The following ATF7IP2 variants were observed in gnomAD, a reference collection of about 807,000 sequenced individuals.
ATF7IP2 encodes the protein activating transcription factor 7 interacting protein 2, also known as activating transcription factor 7-interacting protein 2.
A neutral mutation model predicts 64.2 loss-of-function variants in ATF7IP2; 42 were observed. The observed-to-expected ratio is 0.65, with a 90% CI of 0.51 to 0.85. ATF7IP2 has a LOEUF of 0.85. ATF7IP2 is among the 40% of genes least tolerant of loss of function. The pLI, the probability that ATF7IP2 is intolerant of heterozygous loss-of-function variation, is 0.00. For synonymous variants in ATF7IP2, 308 were observed against 272.8 expected (o/e 1.13, Z -1.27); for missense variants, 933 against 784.2 (o/e 1.19, Z -2.27).
chr16:10,474,681 A>G (rs2049939027), intron 12 of ATF7IP2, among the ~76,000 whole-genome samples: 1 of 152,232 alleles, frequency 6.6e-6, no homozygotes, highest in Admixed American at 6.5e-5. Context: ...CACATACCCA[A>G]GGTGTTTAAA....
chr16:10,386,204 G>T (rs1214919902), intron 1 of ATF7IP2, 82 bp downstream of exon 1: 2 of 152,298 alleles, frequency 1.3e-5, no homozygotes, highest in African/African-American at 4.8e-5. Context: ...GCCTCTCTGA[G>T]GGCCGGCCCC....
intron 9 of ATF7IP2, among the ~76,000 whole-genome samples, chr16:10,464,755 A>T (rs537445928): frequency 6.6e-6 from 1 of 152,338 alleles, no homozygotes; most frequent in East Asian, 1.9e-4. Flanking sequence ...AGGAGTTACT[A>T]GCCACAGTAT....
intron 8 of ATF7IP2, chr16:10,446,020 T>C (rs536101265): frequency 7.2e-5 from 11 of 152,350 alleles, no homozygotes; most frequent in African/African-American, 2.4e-4. Flanking sequence ...AGACCAATTA[T>C]TGGGCAGTCT....
intron 3 of ATF7IP2, among the ~76,000 whole-genome samples, chr16:10,425,016 T>C (rs1200652554): frequency 6.6e-6 from 1 of 151,974 alleles, no homozygotes; most frequent in Admixed American, 6.6e-5. Context: ...GAAAACATTA[T>C]GTCCACATAA....
At chr16:10,464,229 C>A (rs1037001566) in intron 9 of ATF7IP2, among the ~76,000 whole-genome samples, 1 of 152,034 alleles carries the variant, frequency 6.6e-6, no homozygotes, top group Non-Finnish European at 1.5e-5. Context: ...CCTTCATGTA[C>A]TTTTGTATAC....
intron 12 of ATF7IP2, 64 bp from the exon 13 acceptor site, chr16:10,480,815 T>G: frequency 9.2e-7 from 1 of 1,091,166 alleles, no homozygotes; most frequent in East Asian, 2.4e-5. Flanking sequence ...AAACTATAGC[T>G]TAAAGGCTAT....
chr16:10,404,275 C>G (rs1208165400), intron 1 of ATF7IP2, among the ~76,000 whole-genome samples: 2 of 152,110 alleles, frequency 1.3e-5, no homozygotes, highest in Non-Finnish European at 2.9e-5. Flanking sequence ...CTTTTTGAGA[C>G]AGAGTCTCAC....
intron 8 of ATF7IP2, among the ~76,000 whole-genome samples, chr16:10,455,603 G>A (rs1029681088): frequency 9.2e-5 from 14 of 152,148 alleles, no homozygotes; most frequent in African/African-American, 3.4e-4. Context: ...TTTTGAGTAG[G>A]GTAATGCATA....
Position 10,482,039 on chromosome 16 carries a change from C to T in ATF7IP2, c.1839C>T (p.Leu613=), listed in dbSNP as rs1230655718. 1.5e-5 allele frequency: 25 copies of T among 1,613,810 alleles called. No individual in the cohort carries two copies. The highest frequency in any genetic ancestry group is 1.9e-5 in the Non-Finnish European group (23 of 1,179,854). ...PKCAPVESYH[L]FLCHENSNNK... ...GTGCTCCTGTAGAAAGCTACCACCTCTTCCTGTGTCATGAGAACTCTAATA... is the reference window on the plus strand; with the variant it reads ...GTGCTCCTGTAGAAAGCTACCACCTTTTCCTGTGTCATGAGAACTCTAATA... Residue 613 remains leucine (L), a synonymous_variant, in exon 14 of 14, where the codon CTC becomes CTT. Transcript: ENST00000562102.
At chr16:10,386,157 G>A (rs1324352080) in intron 1 of ATF7IP2, 35 bp downstream of exon 1, 1 of 152,412 alleles carries the variant, frequency 6.6e-6, no homozygotes, top group Non-Finnish European at 1.5e-5. Flanking sequence ...CTGCGAGAGC[G>A]GCGATTGGCG....
intron 8 of ATF7IP2, chr16:10,448,287 A>G (rs1021132260): frequency 6.6e-6 from 1 of 152,024 alleles, no homozygotes; most frequent in Non-Finnish European, 1.5e-5. Context: ...AATTTTAAGT[A>G]TTTTTTTCCA....
chr16:10,435,862 C>G (rs541250100), intron 6 of ATF7IP2, among the ~76,000 whole-genome samples: 43 of 152,182 alleles, frequency 2.8e-4, no homozygotes, highest in Non-Finnish European at 5.6e-4. Flanking sequence ...AACAACCATC[C>G]CATGTGATTG....
intron 12 of ATF7IP2, among the ~76,000 whole-genome samples, chr16:10,479,259 C>T (rs2050124640): frequency 6.6e-6 from 1 of 150,388 alleles, no homozygotes; most frequent in Non-Finnish European, 1.5e-5. Context: ...CCCAAATGTC[C>T]AACAATGATA....
Position 10,431,012 on chromosome 16 carries a change from C to T in ATF7IP2, c.392C>T (p.Thr131Ile), listed in dbSNP as rs763439937. The T allele has an allele frequency of 7.9e-5, 127 of 1,614,072 alleles. No homozygotes were observed. The highest frequency in any genetic ancestry group is 1.1e-4 in the Non-Finnish European group (124 of 1,180,040). The part of the protein sequence containing the change: ...RTTESPSRVF[T>I]EEAKDSLNTS... ...ACAGAATCCCCCAGCAGAGTCTTCA[C>T]AGAAGAGGCAAAAGATTCACTGAAC... The change falls in exon 5 of 14, where the codon ACA becomes ATA. Residue 131 changes from threonine (T) to isoleucine (I), a missense_variant. Transcript: ENST00000562102.
rs73497840 is a variant in ATF7IP2, at chr16:10,433,526, C to T, written c.837C>T (p.Ser279=). The change falls in exon 6 of 14, where the codon AGC becomes AGT. Residue 279 remains serine (S), a splice_region_variant and synonymous_variant. Coordinates refer to ENST00000562102, the MANE Select transcript of ATF7IP2 (RefSeq NM_001393719.1). Reference sequence around the variant, plus strand: ...TTCTAATCTTTTGATCTCCTCAAGGCCATTATCAAAAGAAGAGGATGTTTT... The same window carrying T: ...TTCTAATCTTTTGATCTCCTCAAGGTCATTATCAAAAGAAGAGGATGTTTT... The part of the protein sequence containing the change: ...WQSSLDTNNN[S]HYQKKRMFSE... The T allele has an allele frequency of 6.2e-7, 1 of 1,611,700 alleles. No individual in the cohort carries two copies. Among genetic ancestry groups the T allele is most frequent in the Non-Finnish European group, 8.5e-7 (1 of 1,178,236 alleles).
chr16:10,426,273 G>C (rs2141856930), intron 3 of ATF7IP2, among the ~76,000 whole-genome samples: 1 of 152,326 alleles, frequency 6.6e-6, no homozygotes, highest in South Asian at 2.1e-4. Flanking sequence ...AGGAGTTCTG[G>C]TGTTGGTAGG....
chr16:10,481,483 C>T (rs1446859805), intron 13 of ATF7IP2, among the ~76,000 whole-genome samples: 1 of 152,208 alleles, frequency 6.6e-6, no homozygotes, highest in Non-Finnish European at 1.5e-5. Flanking sequence ...CAGGATTTTG[C>T]CATGTTGGCC....
At chr16:10,479,895 A>T (rs368165131) in intron 12 of ATF7IP2, among the ~76,000 whole-genome samples, 2 of 150,518 alleles carry the variant, frequency 1.3e-5, no homozygotes, top group South Asian at 2.1e-4. Context: ...GTAGGAATGT[A>T]AATTAGTTCC....
At chr16:10,460,508 T>C (rs1372052683) in intron 9 of ATF7IP2, among the ~76,000 whole-genome samples, 1 of 152,206 alleles carries the variant, frequency 6.6e-6, no homozygotes, top group Admixed American at 6.5e-5. Context: ...TGGCATGCGC[T>C]GGACAAATAG....
Sources: allele counts gnomAD v4.1 joint callset (sites outside exome capture counted in the v4.1 genomes callset), GRCh38; gene constraint gnomAD v4.1.1; transcripts MANE v1.5; gene names NCBI Gene and HGNC (gene_info 2026-07-23, HGNC 2026-07-21).